CACNA1C: variants seen among roughly 807,000 people sequenced by gnomAD.
CACNA1C encodes voltage-dependent L-type calcium channel subunit alpha-1C.
A neutral mutation model predicts 229.0 loss-of-function variants in CACNA1C; 30 were observed. That is an observed-to-expected ratio of 0.13 (90% CI 0.10 to 0.18). The LOEUF (loss-of-function observed/expected upper bound fraction) is 0.18. CACNA1C is among the 10% of genes least tolerant of loss of function. The probability of loss-of-function intolerance (pLI) is 1.00; values close to 1 mark genes in which losing one functional copy is unlikely to be tolerated. For missense variants in CACNA1C, 1,658 were observed against 2,845.0 expected (o/e 0.58, Z 9.49); for synonymous variants, 1,114 against 1,132.5 (o/e 0.98, Z 0.33).
chr12:2,555,839 G>A lies in CACNA1C; in HGVS notation c.1482-1112G>A, dbSNP rs374044170. On this transcript the variant is annotated intron_variant, in intron 10 of 46. Coordinates refer to ENST00000399655, the MANE Select transcript of CACNA1C (RefSeq NM_000719.7). ...ATAAGAAATAACGAGAGGGGCTGGCGTTTTCTTGCTCTGCGACACAGCTAG... is the reference window on the plus strand; with the variant it reads ...ATAAGAAATAACGAGAGGGGCTGGCATTTTCTTGCTCTGCGACACAGCTAG... Among the ~76,000 whole-genome samples the A allele has an allele frequency of 1.3e-4, 20 of 152,266 alleles. 1 individual carries two copies. In the East Asian group the frequency reaches 2.5e-3, roughly 19 times the overall value.
chr12:2,419,721 A>G (rs1334788538), intron 3 of CACNA1C, among the ~76,000 whole-genome samples: 1 of 152,204 alleles, frequency 6.6e-6, no homozygotes, highest in East Asian at 1.9e-4. Flanking sequence ...CTTCACACAC[A>G]GTAGGCCCTT....
intron 1 of CACNA1C, among the ~76,000 whole-genome samples, chr12:2,114,583 A>C (rs1187519172): frequency 6.6e-6 from 1 of 152,216 alleles, no homozygotes; most frequent in Non-Finnish European, 1.5e-5. Flanking sequence ...ACCAACACTT[A>C]AAGCCCAGAT....
rs202170156 is a variant in CACNA1C, at chr12:2,438,290, A to G, written c.478-10686A>G. Reference sequence around the variant, plus strand: ...GGTGGTGGTAATGATAGTGGTAATGATGGTGGTGGTGGTGGTGGTGGTTGT... The same window carrying G: ...GGTGGTGGTAATGATAGTGGTAATGGTGGTGGTGGTGGTGGTGGTGGTTGT... On this transcript the variant is annotated intron_variant, in intron 3 of 46. Transcript: ENST00000399655. Among the ~76,000 whole-genome samples the G allele has an allele frequency of 8.7e-3, 1,067 of 122,636 alleles. 20 individuals carry two copies. The highest frequency in any genetic ancestry group is 0.031 in the African/African-American group (916 of 29,802). The allele number at this position is 122,636 out of a possible 152,430, so 80.5% of individuals were successfully genotyped here. A position where few individuals can be genotyped will look rare whatever the true frequency, so the allele number is the denominator to read the frequency against.
intron 3 of CACNA1C, among the ~76,000 whole-genome samples, chr12:2,417,453 G>C (rs890690033): frequency 2.6e-5 from 4 of 152,146 alleles, no homozygotes; most frequent in African/African-American, 9.7e-5. Flanking sequence ...CCTGGCCGCT[G>C]TTTACCTTGT....
intron 7 of CACNA1C, among the ~76,000 whole-genome samples, chr12:2,502,654 A>T (rs2099763270): frequency 6.6e-6 from 1 of 152,212 alleles, no homozygotes; most frequent in Non-Finnish European, 1.5e-5. Flanking sequence ...ATGGATCTGT[A>T]AAGAACATAT....
intron 3 of CACNA1C, among the ~76,000 whole-genome samples, chr12:2,335,123 G>A (rs1031073656): frequency 6.6e-6 from 1 of 152,070 alleles, no homozygotes; most frequent in African/African-American, 2.4e-5. Context: ...CACACATAGT[G>A]CCATTTTACC....
intron 39 of CACNA1C, among the ~76,000 whole-genome samples, chr12:2,674,893 G>C (rs2096727348): frequency 6.6e-6 from 1 of 152,198 alleles, no homozygotes; most frequent in South Asian, 2.1e-4. Flanking sequence ...TGGAAATCTG[G>C]TACAACCCTG....
intron 9 of CACNA1C, among the ~76,000 whole-genome samples, chr12:2,545,865 T>C (rs2099880013): frequency 6.6e-6 from 1 of 152,246 alleles, no homozygotes; most frequent in Admixed American, 6.5e-5. Flanking sequence ...GAAAACTCTA[T>C]CTGAACAGTT....
chr12:2,109,228 G>T (rs2080597441), intron 1 of CACNA1C, among the ~76,000 whole-genome samples: 2 of 152,150 alleles, frequency 1.3e-5, no homozygotes. Context: ...GCTGATTGGG[G>T]GGTCCCTTTC....
intron 3 of CACNA1C, among the ~76,000 whole-genome samples, chr12:2,269,017 C>T (rs964804965): frequency 1.9e-4 from 29 of 152,296 alleles, no homozygotes; most frequent in Non-Finnish European, 3.5e-4. Flanking sequence ...GGCTCTCTGC[C>T]CACTGTCCTG....
chr12:2,415,135 C>T (rs553697800), intron 3 of CACNA1C, among the ~76,000 whole-genome samples: 3 of 152,352 alleles, frequency 2.0e-5, no homozygotes, highest in African/African-American at 7.2e-5. Context: ...CGAGGGGGCT[C>T]ACGCAGAGGA....
chr12:2,273,651 A>G (rs1313216250), intron 3 of CACNA1C, among the ~76,000 whole-genome samples: 1 of 152,230 alleles, frequency 6.6e-6, no homozygotes, highest in African/African-American at 2.4e-5. Context: ...TCTTGGGGTA[A>G]CTTGGCAAAC....
intron 3 of CACNA1C, among the ~76,000 whole-genome samples, chr12:2,306,426 C>T (rs918530918): frequency 3.9e-5 from 6 of 152,172 alleles, no homozygotes; most frequent in African/African-American, 1.4e-4. Flanking sequence ...AACGAGAGAC[C>T]CTGGAAATGC....
chr12:2,495,541 C>T (rs1026463009), intron 7 of CACNA1C, among the ~76,000 whole-genome samples: 5 of 152,316 alleles, frequency 3.3e-5, no homozygotes, highest in African/African-American at 1.2e-4. Flanking sequence ...GTCATTGATG[C>T]CCCACCAGCC....
chr12:2,310,371 ATG>A (rs1555425946), intron 3 of CACNA1C, among the ~76,000 whole-genome samples: 12 of 150,574 alleles, frequency 8.0e-5, no homozygotes, highest in African/African-American at 2.9e-4. Context: ...ATATATATAT[ATG>A]TATGGGAATA....
intron 3 of CACNA1C, among the ~76,000 whole-genome samples, chr12:2,203,723 CATTGT>C (rs955814330): frequency 6.6e-6 from 1 of 152,158 alleles, no homozygotes; most frequent in African/African-American, 2.4e-5. Context: ...CCAAGAAGCA[CATTGT>C]ATCTCCTTGG....
At chr12:2,203,272 A>G (rs767004065) in intron 3 of CACNA1C, among the ~76,000 whole-genome samples, 1 of 152,182 alleles carries the variant, frequency 6.6e-6, no homozygotes, top group African/African-American at 2.4e-5. Flanking sequence ...TCATGTCCCC[A>G]TAGGAACAGT....
chr12:2,118,709 G>C (rs181400285), intron 2 of CACNA1C, among the ~76,000 whole-genome samples: 1 of 152,326 alleles, frequency 6.6e-6, no homozygotes, highest in East Asian at 1.9e-4. Context: ...ACCAGCATCA[G>C]CGTCTGTCTC....
At chr12:2,056,220 T>A (rs568009852) in intron 1 of CACNA1C, among the ~76,000 whole-genome samples, 3 of 140,094 alleles carry the variant, frequency 2.1e-5, no homozygotes, top group African/African-American at 5.6e-5. Flanking sequence ...TGTGTGTGTG[T>A]GTGTGTGTGT....
Sources: allele counts gnomAD v4.1 joint callset (sites outside exome capture counted in the v4.1 genomes callset), GRCh38; gene constraint gnomAD v4.1.1; transcripts MANE v1.5; gene names NCBI Gene and HGNC (gene_info 2026-07-23, HGNC 2026-07-21).